RIPOR2: variants seen among roughly 807,000 people sequenced by gnomAD.
RIPOR2 encodes the protein RHO family interacting cell polarization regulator 2.
A neutral mutation model predicts 114.5 loss-of-function variants in RIPOR2; 39 were observed. The ratio of observed to expected loss-of-function variants is 0.34; its 90% confidence interval spans 0.26 to 0.44. The LOEUF (loss-of-function observed/expected upper bound fraction) is 0.44. Among genes scored for constraint, RIPOR2 ranks in the 20% least tolerant of loss-of-function variants. The pLI, the probability that RIPOR2 is intolerant of heterozygous loss-of-function variation, is 1.00. For missense variants in RIPOR2, 1,007 were observed against 1,255.1 expected (o/e 0.80, Z 2.99); for synonymous variants, 445 against 484.4 (o/e 0.92, Z 1.07).
chr6:24,958,958 C>CTTTTT (rs1554124803), intron 1 of RIPOR2, among the ~76,000 whole-genome samples: 8 of 123,148 alleles, frequency 6.5e-5, no homozygotes, highest in South Asian at 2.5e-4. Context: ...TCTACATTTT[C>CTTTTT]TTTTTTTTTT....
At chr6:24,822,479 T>C (rs1759781136) in intron 19 of RIPOR2, among the ~76,000 whole-genome samples, 1 of 152,158 alleles carries the variant, frequency 6.6e-6, no homozygotes, top group South Asian at 2.1e-4. Flanking sequence ...TTGGGGTTAC[T>C]GAATAGGTTG....
At chr6:25,018,010 G>A (rs777062290) in intron 1 of RIPOR2, among the ~76,000 whole-genome samples, 1 of 152,216 alleles carries the variant, frequency 6.6e-6, no homozygotes, top group East Asian at 1.9e-4. Flanking sequence ...GATGAACATA[G>A]AAATACAAGC....
In RIPOR2 at chr6:25,037,975, T is replaced by C. The variant is rs1777320883; in HGVS notation, c.76+3876A>G. On this transcript the variant is annotated intron_variant, in intron 1 of 13. Transcript: ENST00000510784. This position sits in a 1 kb window ranked among gnomAD's most constrained non-coding sequence, Gnocchi z 4.5. ...TATGTAGAAAAATGTACTTATTTTT[T>C]AGAGACGCTCTTACTAAAATGTCAT... Among the ~76,000 whole-genome samples the C allele has an allele frequency of 6.6e-6, 1 of 152,248 alleles. No homozygotes were observed. The highest frequency in any genetic ancestry group is 1.5e-5 in the Non-Finnish European group (1 of 68,048).
At chr6:25,028,919 C>T (rs770687350) in intron 1 of RIPOR2, among the ~76,000 whole-genome samples, 8 of 152,228 alleles carry the variant, frequency 5.3e-5, no homozygotes, top group Non-Finnish European at 8.8e-5. Context: ...GAATGGAGCT[C>T]TGTCTAGGAC....
At chr6:24,856,902 T>C (rs1291769583) in intron 8 of RIPOR2, among the ~76,000 whole-genome samples, 3 of 151,648 alleles carry the variant, frequency 2.0e-5, no homozygotes, top group African/African-American at 7.3e-5. Flanking sequence ...GAAGGTGTTT[T>C]TCCCCCCCCT....
At chr6:24,853,727 C>T (rs1467826295) in intron 8 of RIPOR2, among the ~76,000 whole-genome samples, 1 of 152,112 alleles carries the variant, frequency 6.6e-6, no homozygotes, top group African/African-American at 2.4e-5. Flanking sequence ...CATAGTAGGT[C>T]GTTAATACAT....
intron 1 of RIPOR2, among the ~76,000 whole-genome samples, chr6:25,034,423 C>T (rs1472585471): frequency 6.6e-6 from 1 of 152,142 alleles, no homozygotes; most frequent in Non-Finnish European, 1.5e-5. Flanking sequence ...CTGGTACTCA[C>T]ATAGTGGGTT....
At chr6:24,990,742 T>C (rs1279383169) in intron 1 of RIPOR2, among the ~76,000 whole-genome samples, 1 of 152,174 alleles carries the variant, frequency 6.6e-6, no homozygotes, top group South Asian at 2.1e-4. Flanking sequence ...CATAAGCTCA[T>C]AAGAGGTGTT....
At chr6:24,944,319 T>G (rs1029339374) in intron 1 of RIPOR2, among the ~76,000 whole-genome samples, 2 of 152,122 alleles carry the variant, frequency 1.3e-5, no homozygotes, top group Admixed American at 1.3e-4. Flanking sequence ...GACTGCAAGA[T>G]TTATTGGTCC....
intron 1 of RIPOR2, among the ~76,000 whole-genome samples, chr6:24,961,656 C>T (rs1274751619): frequency 6.8e-6 from 1 of 146,672 alleles, no homozygotes; most frequent in Non-Finnish European, 1.5e-5. Flanking sequence ...TTGAGACAGT[C>T]TCGCTCTGTC....
At chr6:25,001,731 G>A (rs1262238162) in intron 1 of RIPOR2, among the ~76,000 whole-genome samples, 5 of 117,784 alleles carry the variant, frequency 4.2e-5, no homozygotes, top group African/African-American at 1.0e-4. Flanking sequence ...ACATAGTCTC[G>A]CTCTGTCGCC....
At chr6:25,041,864 C>A in exon 1 of RIPOR2, 1 of 702,818 alleles carries the variant, frequency 1.4e-6, no homozygotes, top group Non-Finnish European at 2.6e-6. Flanking sequence ...TGAGCTGGCG[C>A]CTCCGGATCC....
intron 1 of RIPOR2, among the ~76,000 whole-genome samples, chr6:24,959,691 A>G (rs1408694606): frequency 6.6e-6 from 1 of 152,126 alleles, no homozygotes; most frequent in Non-Finnish European, 1.5e-5. Flanking sequence ...CTGCTTGGTA[A>G]ATTTTGGAAG....
At chr6:24,890,938 C>T (rs1056445103) in intron 1 of RIPOR2, among the ~76,000 whole-genome samples, 5 of 149,026 alleles carry the variant, frequency 3.4e-5, no homozygotes, top group African/African-American at 1.0e-4. Context: ...GCCACTGCAC[C>T]TGGCTCCCAT....
At position 24,817,976 on chromosome 6, in the gene RIPOR2, C is replaced by CTTTTTTTTTTTTTT. The variant is rs758675486; in HGVS notation, c.2952+565_2952+566insAAAAAAAAAAAAAA. Among the ~76,000 whole-genome samples, 554 of 84,228 alleles carry CTTTTTTTTTTTTTT rather than the reference C, an allele frequency of 6.6e-3. 40 individuals are homozygous for CTTTTTTTTTTTTTT. Among genetic ancestry groups the CTTTTTTTTTTTTTT allele is most frequent in the East Asian group, 0.016 (60 of 3,736 alleles). 55.3% of individuals were successfully genotyped at this position (84,228 alleles called of 152,430 possible). On this transcript the variant is annotated intron_variant, in intron 20 of 21. Coordinates refer to ENST00000643898, the MANE Select transcript of RIPOR2 (RefSeq NM_001286445.3). ...ATATACTTTCCTTTTCTCTCTCTCT[C>CTTTTTTTTTTTTTT]TCTTTTTTTTTGAGACAGAGTCTGG...
intron 1 of RIPOR2, among the ~76,000 whole-genome samples, chr6:25,001,743 A>C (rs1775333589): frequency 2.5e-5 from 3 of 122,148 alleles, no homozygotes; most frequent in Admixed American, 9.3e-5. Context: ...TCTGTCGCCC[A>C]GGCTGGAGTG....
intron 1 of RIPOR2, among the ~76,000 whole-genome samples, chr6:24,962,485 G>T (rs1419383201): frequency 6.6e-6 from 1 of 152,176 alleles, no homozygotes; most frequent in Non-Finnish European, 1.5e-5. Flanking sequence ...GAGTTTAAAA[G>T]ACACTACTAT....
chr6:25,001,844 C>T (rs930142923), intron 1 of RIPOR2, among the ~76,000 whole-genome samples: 21 of 150,992 alleles, frequency 1.4e-4, no homozygotes, highest in Admixed American at 4.6e-4. Context: ...GGACTACAGG[C>T]GCGTGCCACC....
chr6:24,911,102 G>T (rs1018687263), intron 1 of RIPOR2: 18 of 448,084 alleles, frequency 4.0e-5, no homozygotes, highest in Non-Finnish European at 3.0e-5. Context: ...CTAGAGCGGC[G>T]GAGCGGGCGG....
Sources: allele counts gnomAD v4.1 joint callset (sites outside exome capture counted in the v4.1 genomes callset), GRCh38; gene constraint gnomAD v4.1.1; non-coding constraint Gnocchi (gnomAD v3.1); transcripts MANE v1.5; gene names NCBI Gene and HGNC (gene_info 2026-07-23, HGNC 2026-07-21).